The following TANC2 variants were observed in gnomAD, a reference collection of about 807,000 sequenced individuals.
TANC2 encodes the protein protein TANC2.
A neutral mutation model predicts 210.5 loss-of-function variants in TANC2; 26 were observed. That is an observed-to-expected ratio of 0.12 (90% CI 0.09 to 0.17). TANC2 has a LOEUF of 0.17. Ranked by LOEUF, TANC2 falls within the 10% of genes least tolerant of loss-of-function variation. The pLI, the probability that TANC2 is intolerant of heterozygous loss-of-function variation, is 1.00. For synonymous variants in TANC2, 931 were observed against 967.1 expected, an observed-to-expected ratio of 0.96 and a Z score of 0.69; for missense variants, 2,129 against 2,608.9, an observed-to-expected ratio of 0.82 and a Z score of 4.01.
intron 8 of TANC2, among the ~76,000 whole-genome samples, chr17:63,239,172 A>ATGATAC (rs2042705861): frequency 6.6e-6 from 1 of 151,950 alleles, no homozygotes; most frequent in Admixed American, 6.6e-5. Context: ...AAAGAAAGAA[A>ATGATAC]TGATACTGAG....
intron 11 of TANC2, among the ~76,000 whole-genome samples, chr17:63,324,225 C>T (rs2045577218): frequency 6.6e-6 from 1 of 152,098 alleles, no homozygotes; most frequent in Admixed American, 6.5e-5. Flanking sequence ...TTAGAGAAAA[C>T]AGCTAATTTT....
At chr17:63,415,630 G>T in exon 26 of TANC2, 6 of 1,613,774 alleles carry the variant, frequency 3.7e-6, no homozygotes, top group Non-Finnish European at 5.1e-6. Context: ...GGAACTAAAG[G>T]TGTCTCTCCT....
chr17:63,205,344 CAAAAAAAAAAA>C (rs1158768609), intron 7 of TANC2, among the ~76,000 whole-genome samples: 11 of 8,070 alleles, frequency 1.4e-3, no homozygotes, highest in African/African-American at 2.1e-3. Flanking sequence ...ACCAAGGAGG[CAAAAAAAAAAA>C]AAAAAAAAAA....
At chr17:63,263,493 T>C (rs1270678593) in intron 8 of TANC2, among the ~76,000 whole-genome samples, 2 of 152,210 alleles carry the variant, frequency 1.3e-5, no homozygotes, top group East Asian at 3.8e-4. Flanking sequence ...TAAAGTACCA[T>C]AAAATGTGCC....
intron 16 of TANC2, 109 bp from the exon 17 acceptor site, chr17:63,389,199 C>T (rs2047883595): frequency 3.7e-6 from 3 of 800,800 alleles, no homozygotes; most frequent in Non-Finnish European, 5.9e-6. Context: ...AAAGCAATTA[C>T]TAAATGCTAC....
chr17:63,222,597 G>A (rs761935098), intron 7 of TANC2, among the ~76,000 whole-genome samples: 1 of 152,070 alleles, frequency 6.6e-6, no homozygotes, highest in African/African-American at 2.4e-5. Flanking sequence ...ATGTTAGGAG[G>A]CAACTGTATG....
intron 9 of TANC2, among the ~76,000 whole-genome samples, chr17:63,290,738 G>A (rs1305041906): frequency 6.6e-6 from 1 of 152,086 alleles, no homozygotes; most frequent in Non-Finnish European, 1.5e-5. Flanking sequence ...ATCTTGGCCA[G>A]AAGTGGAAAT....
At chr17:62,973,374 T>C (rs1385833150) in intron 1 of TANC2, among the ~76,000 whole-genome samples, 1 of 152,218 alleles carries the variant, frequency 6.6e-6, no homozygotes, top group Admixed American at 6.5e-5. Context: ...TCATCACTAA[T>C]GTGTGAGCTT....
intron 9 of TANC2, among the ~76,000 whole-genome samples, chr17:63,289,515 A>C (rs568974855): frequency 6.6e-6 from 1 of 152,214 alleles, no homozygotes; most frequent in African/African-American, 2.4e-5. Context: ...CCTCTTTTGC[A>C]GTGTTTTTTA....
At chr17:63,114,622 T>C (rs555160513) in intron 4 of TANC2, among the ~76,000 whole-genome samples, 2 of 152,316 alleles carry the variant, frequency 1.3e-5, no homozygotes, top group Non-Finnish European at 2.9e-5. Context: ...CCTGTGAGAA[T>C]AGAGATTTCG....
At chr17:63,208,630 T>G (rs887292557) in intron 7 of TANC2, among the ~76,000 whole-genome samples, 3 of 152,208 alleles carry the variant, frequency 2.0e-5, no homozygotes, top group Non-Finnish European at 2.9e-5. Flanking sequence ...TTTCCAATAT[T>G]AAATCTTCTA....
At chr17:63,029,746 T>C (rs993691239) in intron 2 of TANC2, among the ~76,000 whole-genome samples, 13 of 152,192 alleles carry the variant, frequency 8.5e-5, no homozygotes, top group Admixed American at 7.9e-4. Context: ...CAAAGTCTAA[T>C]AAAGGAGAGA....
chr17:62,989,744 G>C (rs1389144890), intron 1 of TANC2, among the ~76,000 whole-genome samples: 1 of 148,878 alleles, frequency 6.7e-6, no homozygotes, highest in Admixed American at 6.7e-5. Flanking sequence ...TTCCTGCAAA[G>C]CTCATAGAAT....
intron 4 of TANC2, among the ~76,000 whole-genome samples, chr17:63,146,698 C>T (rs958301229): frequency 2.0e-5 from 3 of 152,086 alleles, no homozygotes; most frequent in African/African-American, 7.2e-5. Context: ...GACAATACCT[C>T]AGTAATTATT....
chr17:63,204,634 GAAGA>G (rs1469294919), intron 7 of TANC2, among the ~76,000 whole-genome samples: 7 of 151,522 alleles, frequency 4.6e-5, no homozygotes, highest in East Asian at 1.9e-4. Context: ...TCATCCTAAA[GAAGA>G]AAGAAAGAAA....
intron 14 of TANC2, among the ~76,000 whole-genome samples, chr17:63,373,418 A>AT (rs1366898535): frequency 1.3e-5 from 2 of 152,098 alleles, no homozygotes; most frequent in East Asian, 1.9e-4. Context: ...ACAGTGGTGG[A>AT]TTTTTTTTCA....
At chr17:63,389,989 C>G (rs1273590788) in intron 17 of TANC2, 2 of 198,842 alleles carry the variant, frequency 1.0e-5, no homozygotes, top group Non-Finnish European at 2.1e-5. Context: ...CACCTTCATC[C>G]TGTCCTTGAA....
chr17:63,372,457 C>T (rs2047297859), intron 14 of TANC2, among the ~76,000 whole-genome samples: 1 of 152,222 alleles, frequency 6.6e-6, no homozygotes, highest in Admixed American at 6.5e-5. Flanking sequence ...TTTGAACACA[C>T]AATCATCTTC....
chr17:63,246,207 A>G (rs1183153389), intron 8 of TANC2, among the ~76,000 whole-genome samples: 4 of 151,510 alleles, frequency 2.6e-5, no homozygotes, highest in Non-Finnish European at 5.9e-5. Flanking sequence ...TTTATTGAGT[A>G]TATAAACCTA....
Sources: gnomAD v4.1 joint callset for allele counts (sites outside exome capture counted in the v4.1 genomes callset) on GRCh38, gnomAD v4.1.1 for gene constraint, MANE v1.5 for transcripts, NCBI Gene and HGNC (gene_info 2026-07-23, HGNC 2026-07-21) for gene names.